Variants in GPATCH2 observed in about 807,000 individuals in gnomAD.
The protein encoded by GPATCH2 is G patch domain-containing protein 2.
GPATCH2 carries 51 observed loss-of-function variants against 58.0 expected under a neutral mutation model. The ratio of observed to expected loss-of-function variants is 0.88; its 90% CI spans 0.70 to 1.11. GPATCH2 has a LOEUF of 1.11. GPATCH2 is among the 50% of genes most tolerant of loss of function. The pLI is 0.00. For synonymous variants in GPATCH2, 222 were observed against 218.5 expected (o/e 1.02, Z -0.14); for missense variants, 625 against 652.2 (o/e 0.96, Z 0.45).
chr1:217,565,054 G>C (rs1240666026), intron 5 of GPATCH2, among the ~76,000 whole-genome samples: 2 of 152,154 alleles, frequency 1.3e-5, no homozygotes, highest in Non-Finnish European at 2.9e-5. Flanking sequence ...GTGTTGTCAT[G>C]AATAGGCTGA....
chr1:217,584,344 A>AAAAAAAAAATATATATATAT (rs1463910405), intron 5 of GPATCH2, among the ~76,000 whole-genome samples: 4 of 101,858 alleles, frequency 3.9e-5, no homozygotes, highest in African/African-American at 6.8e-5. Context: ...AAAAAAAAAA[A>AAAAAAAAAATATATATATAT]ATATATATAT....
chr1:217,527,489 T>C (rs990029075), intron 5 of GPATCH2, among the ~76,000 whole-genome samples: 1 of 152,054 alleles, frequency 6.6e-6, no homozygotes, highest in Non-Finnish European at 1.5e-5. Flanking sequence ...TTTTTTTTTT[T>C]TTTTTGACTA....
intron 6 of GPATCH2, among the ~76,000 whole-genome samples, chr1:217,499,656 A>G (rs1159856564): frequency 6.6e-6 from 1 of 152,016 alleles, no homozygotes; most frequent in Non-Finnish European, 1.5e-5. Flanking sequence ...ACCTGGATTA[A>G]TTACCAAATT....
At chr1:217,563,773 A>G (rs1365202547) in intron 5 of GPATCH2, among the ~76,000 whole-genome samples, 1 of 152,226 alleles carries the variant, frequency 6.6e-6, no homozygotes, top group Non-Finnish European at 1.5e-5. Flanking sequence ...GGCCGGGCGC[A>G]GTGGCTCACG....
chr1:217,617,104 T>C (rs1166409755), intron 2 of GPATCH2, among the ~76,000 whole-genome samples: 3 of 152,212 alleles, frequency 2.0e-5, no homozygotes, highest in Non-Finnish European at 4.4e-5. Flanking sequence ...TGTTAAAAAT[T>C]CTTCACTGAT....
In GPATCH2 at chr1:217,436,383, C is replaced by T. The variant is rs541976298; in HGVS notation, c.1367-5018G>A. Among the ~76,000 whole-genome samples the T allele has an allele frequency of 6.0e-4, 92 of 152,252 alleles. 1 individual carries two copies. The South Asian group carries it at 0.018, about 30-fold the overall frequency. ...CATTCAAAAAGGAAATTTTAATGGT[C>T]CTCAGAGAGTTGAAGTAACTTAACC... On this transcript the variant is annotated intron_variant, in intron 9 of 9. Transcript: ENST00000366935.
At chr1:217,545,391 G>A (rs1664988471) in intron 5 of GPATCH2, among the ~76,000 whole-genome samples, 2 of 152,178 alleles carry the variant, frequency 1.3e-5, no homozygotes, top group South Asian at 4.1e-4. Flanking sequence ...TGAGGTCTTG[G>A]CCTCTTTTGT....
rs1024646231 is a variant in GPATCH2, at chr1:217,543,924, C to T, written c.1099-29035G>A. On this transcript the variant is annotated intron_variant, in intron 5 of 9. Coordinates refer to ENST00000366935, the MANE Select transcript of GPATCH2 (RefSeq NM_018040.5). ...CTTCAAGAGGATTCTTTCTCAGGCT[C>T]GCTTGGCTAACAGTTGTATTGCTTC... is the stretch of plus-strand genomic sequence containing the variant. 3.9e-5 allele frequency among the ~76,000 whole-genome samples: 6 copies of T among 152,080 alleles called. 1 individual carries two copies. Among genetic ancestry groups the T allele is most frequent in the Non-Finnish European group, 8.8e-5 (6 of 68,022 alleles).
intron 5 of GPATCH2, among the ~76,000 whole-genome samples, chr1:217,541,623 G>C (rs906281095): frequency 6.6e-6 from 1 of 151,822 alleles, no homozygotes; most frequent in African/African-American, 2.4e-5. Context: ...ATTAACAAAA[G>C]AATAAAAATC....
chr1:217,433,114 C>T (rs1658623189), intron 9 of GPATCH2, among the ~76,000 whole-genome samples: 1 of 151,984 alleles, frequency 6.6e-6, no homozygotes, highest in African/African-American at 2.4e-5. Context: ...TTTCTTCTTC[C>T]CTGACTCAGG....
At chr1:217,576,802 T>G (rs1314090617) in intron 5 of GPATCH2, among the ~76,000 whole-genome samples, 1 of 152,180 alleles carries the variant, frequency 6.6e-6, no homozygotes, top group Non-Finnish European at 1.5e-5. Flanking sequence ...AAAACAAATC[T>G]ATATCTTCTA....
Position 217,630,976 on chromosome 1 carries a change from G to A in GPATCH2, c.-5C>T. 1 of 1,587,328 alleles carries A rather than the reference G, an allele frequency of 6.3e-7. No homozygotes were observed. The highest frequency in any genetic ancestry group is 1.1e-5 in the South Asian group (1 of 88,768). ...GCGCCCGGCGGCCCCGAACATTAAC[G>A]ACACCCGGGAGCCTGGCCTCGAAGC... On this transcript the variant is annotated 5_prime_UTR_variant, in exon 1 of 10. Transcript: ENST00000366935.
chr1:217,566,754 T>C (rs185678131), intron 5 of GPATCH2, among the ~76,000 whole-genome samples: 140 of 152,334 alleles, frequency 9.2e-4, no homozygotes, highest in African/African-American at 3.2e-3. Flanking sequence ...CTTAAAAGTA[T>C]GTTAAAATAT....
chr1:217,555,657 T>C (rs1665582402), intron 5 of GPATCH2, among the ~76,000 whole-genome samples: 1 of 152,188 alleles, frequency 6.6e-6, no homozygotes, highest in South Asian at 2.1e-4. Flanking sequence ...CTCAACCAAG[T>C]ATTCCAGGTT....
chr1:217,504,659 C>T (rs1662465453), intron 6 of GPATCH2, among the ~76,000 whole-genome samples: 1 of 152,188 alleles, frequency 6.6e-6, no homozygotes, highest in Non-Finnish European at 1.5e-5. Flanking sequence ...CAAGCTCACA[C>T]AGCTAGCAAG....
At chr1:217,597,641 T>C (rs1189181705) in intron 5 of GPATCH2, among the ~76,000 whole-genome samples, 4 of 152,176 alleles carry the variant, frequency 2.6e-5, no homozygotes, top group Admixed American at 6.5e-5. Flanking sequence ...AAACTGATTA[T>C]ATGAAAATGT....
At chr1:217,543,031 T>G (rs1302877062) in intron 5 of GPATCH2, among the ~76,000 whole-genome samples, 1 of 152,170 alleles carries the variant, frequency 6.6e-6, no homozygotes, top group Non-Finnish European at 1.5e-5. Context: ...GCTAAACACC[T>G]GCCATGAGCC....
chr1:217,590,838 T>G (rs1371011913), intron 5 of GPATCH2, among the ~76,000 whole-genome samples: 2 of 152,082 alleles, frequency 1.3e-5, no homozygotes, highest in African/African-American at 4.8e-5. Flanking sequence ...TTATTCCTAT[T>G]ATAGGGATGA....
chr1:217,516,272 A>C (rs1471861604), intron 5 of GPATCH2, among the ~76,000 whole-genome samples: 1 of 152,196 alleles, frequency 6.6e-6, no homozygotes, highest in African/African-American at 2.4e-5. Flanking sequence ...CCATTTATAT[A>C]GAATGGGGGG....
Sources: allele counts gnomAD v4.1 joint callset (sites outside exome capture counted in the v4.1 genomes callset), GRCh38; gene constraint gnomAD v4.1.1; transcripts MANE v1.5; gene names NCBI Gene and HGNC (gene_info 2026-07-23, HGNC 2026-07-21).